The following NEMP2 variants were observed in gnomAD, a reference collection of about 807,000 sequenced individuals.
The protein encoded by NEMP2 is UPF0571 transmembrane protein.
NEMP2 carries 53 observed loss-of-function variants against 54.2 expected under a neutral mutation model. The ratio of observed to expected loss-of-function variants is 0.98; its 90% confidence interval spans 0.78 to 1.23. The LOEUF (loss-of-function observed/expected upper bound fraction) is 1.23, where lower values mean the gene tolerates loss of function less well. Ranked by LOEUF, NEMP2 falls within the 50% of genes most tolerant of loss-of-function variation. NEMP2 has a pLI of 0.00. For synonymous variants in NEMP2, 197 were observed against 190.3 expected (o/e 1.04, Z -0.29); for missense variants, 455 against 511.3 (o/e 0.89, Z 1.06).
At chr2:190,516,567 G>A (rs1690565365) in intron 5 of NEMP2, among the ~76,000 whole-genome samples, 183 bp from the exon 6 acceptor site, 1 of 152,192 alleles carries the variant, frequency 6.6e-6, no homozygotes, top group Non-Finnish European at 1.5e-5. Context: ...ATCACATGGA[G>A]CTTGCTGGGA....
chr2:190,508,112 A>G lies in NEMP2; in HGVS notation c.*1077T>C, dbSNP rs1690238502. ...AAATTGTTACAAACACCTATAGCTA[A>G]ACAATTTTTTAAATGGATCAGTCAA... On this transcript the variant is annotated 3_prime_UTR_variant, in exon 9 of 9. Transcript: ENST00000409150. This position sits in a 1 kb window ranked among gnomAD's most constrained non-coding sequence, Gnocchi z 4.3. 1 of 152,240 alleles carries G rather than the reference A, an allele frequency of 6.6e-6. No homozygotes were observed. Among genetic ancestry groups the G allele is most frequent in the African/African-American group, 2.4e-5 (1 of 41,458 alleles). The allele number at this position is 152,240 out of a possible 1,614,324, so 9.4% of individuals were successfully genotyped here. A position where few individuals can be genotyped will look rare whatever the true frequency, so the allele number is the denominator to read the frequency against.
At chr2:190,615,375 C>G in the NEMP2 span, among the ~76,000 whole-genome samples, 1 of 152,146 alleles carries the variant, frequency 6.6e-6, no homozygotes, top group Non-Finnish European at 1.5e-5. This position sits in a 1 kb window ranked among gnomAD's most constrained non-coding sequence, Gnocchi z 4.7. Context: ...CTTGCATTTA[C>G]TGGTCTATTA....
chr2:190,544,930 CAAAAAAAA>C, the NEMP2 span, among the ~76,000 whole-genome samples: 3 of 90,794 alleles, frequency 3.3e-5, no homozygotes, highest in Admixed American at 1.3e-4. Flanking sequence ...TCTACCCCCG[CAAAAAAAA>C]AAAAAAAAAA....
the NEMP2 span, among the ~76,000 whole-genome samples, chr2:190,581,414 C>G: frequency 2.0e-5 from 3 of 152,108 alleles, no homozygotes; most frequent in Non-Finnish European, 4.4e-5. Flanking sequence ...AAGTAACGAA[C>G]TACCATATTA....
the NEMP2 span, among the ~76,000 whole-genome samples, chr2:190,468,284 T>A: frequency 6.6e-6 from 1 of 152,144 alleles, no homozygotes; most frequent in Non-Finnish European, 1.5e-5. Flanking sequence ...ATCTGCTAAA[T>A]CCCTCTAATA....
In NEMP2 at chr2:190,521,907, G is replaced by C. The variant is rs920072129; in HGVS notation, c.214-2724C>G. 6.6e-6 allele frequency among the ~76,000 whole-genome samples: 1 copy of C among 151,922 alleles called. No individual in the cohort carries two copies. The highest frequency in any genetic ancestry group is 1.5e-5 in the Non-Finnish European group (1 of 68,002). ...GAACTCTTAATATAAGACTGACCCAGGCTTAGCCATTGGTCCTCTTCTCTT... is the reference window on the plus strand; with the variant it reads ...GAACTCTTAATATAAGACTGACCCACGCTTAGCCATTGGTCCTCTTCTCTT... On this transcript the variant is annotated intron_variant, in intron 2 of 8. Transcript: ENST00000409150. This position sits in a 1 kb window ranked among gnomAD's most constrained non-coding sequence, Gnocchi z 6.2.
the NEMP2 span, among the ~76,000 whole-genome samples, chr2:190,490,242 CTA>C: frequency 6.6e-6 from 1 of 150,520 alleles, no homozygotes; most frequent in Non-Finnish European, 1.5e-5. This position sits in a 1 kb window ranked among gnomAD's most constrained non-coding sequence, Gnocchi z 4.5. Context: ...GTAATCTTCT[CTA>C]TGACTTACCT....
At chr2:190,439,005 C>G in the NEMP2 span, among the ~76,000 whole-genome samples, 1 of 152,032 alleles carries the variant, frequency 6.6e-6, no homozygotes, top group Admixed American at 6.6e-5. The surrounding 1 kb of genome is among the most constrained non-coding windows in gnomAD (Gnocchi z 5.8). Flanking sequence ...TGGATATTTC[C>G]TGGACCCACA....
At chr2:190,562,694 G>T in the NEMP2 span, among the ~76,000 whole-genome samples, 1 of 150,994 alleles carries the variant, frequency 6.6e-6, no homozygotes, top group South Asian at 2.1e-4. The surrounding 1 kb of genome is among the most constrained non-coding windows in gnomAD (Gnocchi z 5.0). Context: ...ATAAATCTAT[G>T]CTACAATTTC....
the NEMP2 span, among the ~76,000 whole-genome samples, chr2:190,428,062 T>A: frequency 5.9e-5 from 9 of 152,164 alleles, no homozygotes; most frequent in South Asian, 4.1e-4. Context: ...CATAACTTAG[T>A]TTTGCCTGTT....
intron 7 of NEMP2, among the ~76,000 whole-genome samples, chr2:190,511,819 G>T (rs1300740947): frequency 1.3e-5 from 2 of 151,454 alleles, no homozygotes; most frequent in African/African-American, 4.8e-5. Flanking sequence ...CTCCCAAACT[G>T]CTGGGATTAC....
At position 190,514,101 on chromosome 2, in the gene NEMP2, C is replaced by G. The variant is rs1690465219; in HGVS notation, c.953+352G>C. Among the ~76,000 whole-genome samples the G allele has an allele frequency of 6.6e-6, 1 of 152,208 alleles. No homozygotes were observed. The highest frequency in any genetic ancestry group is 1.5e-5 in the Non-Finnish European group (1 of 68,030). ...CCTAATTCGTATCTCATAAGCACAG[C>G]TGATACCACTAAAGCAGTCTTTGAC... On this transcript the variant is annotated intron_variant, in intron 7 of 8. Coordinates refer to ENST00000409150, the MANE Select transcript of NEMP2 (RefSeq NM_001142645.2). The surrounding 1 kb of genome is among the most constrained non-coding windows in gnomAD (Gnocchi z 5.7).
At chr2:190,534,725 C>T (rs1691307635), upstream of NEMP2, 23 of 1,142,668 alleles carry the variant, frequency 2.0e-5, no homozygotes, top group South Asian at 7.6e-5. Context: ...GCGGAAGTGG[C>T]GCGGGGGCTC....
At chr2:190,623,815 G>A in the NEMP2 span, among the ~76,000 whole-genome samples, 1 of 151,816 alleles carries the variant, frequency 6.6e-6, no homozygotes, top group East Asian at 1.9e-4. Context: ...AGACAAATGG[G>A]GTTATATCAA....
At chr2:190,582,337 T>G in the NEMP2 span, among the ~76,000 whole-genome samples, 5 of 152,196 alleles carry the variant, frequency 3.3e-5, no homozygotes, top group Admixed American at 6.5e-5. The surrounding 1 kb of genome is among the most constrained non-coding windows in gnomAD (Gnocchi z 4.6). Context: ...TGTATCCCTC[T>G]GGCCAGAACT....
Position 190,520,462 on chromosome 2 carries a change from A to T in NEMP2, c.214-1279T>A, listed in dbSNP as rs1347606052. Among the ~76,000 whole-genome samples, 3 of 152,194 alleles carry T rather than the reference A, an allele frequency of 2.0e-5. No individual in the cohort carries two copies. The highest frequency in any genetic ancestry group is 4.4e-5 in the Non-Finnish European group (3 of 68,034). ...TTTTTCTAAGAGTAGGGCAACCCTG[A>T]AAAGGGGAGTAAGAGCACCAGCTTT... On this transcript the variant is annotated intron_variant, in intron 2 of 8. Coordinates refer to ENST00000409150, the MANE Select transcript of NEMP2 (RefSeq NM_001142645.2). This position sits in a 1 kb window ranked among gnomAD's most constrained non-coding sequence, Gnocchi z 5.4.
chr2:190,534,893 G>T (rs1259656702), upstream of NEMP2: 5 of 363,070 alleles, frequency 1.4e-5, no homozygotes, highest in East Asian at 1.2e-4. Flanking sequence ...GCGCGACCCC[G>T]CTGGCATGCT....
the NEMP2 span, among the ~76,000 whole-genome samples, chr2:190,598,767 T>C: frequency 6.6e-6 from 1 of 152,260 alleles, no homozygotes; most frequent in African/African-American, 2.4e-5. Flanking sequence ...TAAAATATTT[T>C]ACTACCAGTG....
At chr2:190,485,819 C>G in the NEMP2 span, among the ~76,000 whole-genome samples, 1 of 150,798 alleles carries the variant, frequency 6.6e-6, no homozygotes, top group Non-Finnish European at 1.5e-5. The surrounding 1 kb of genome is among the most constrained non-coding windows in gnomAD (Gnocchi z 5.1). Flanking sequence ...AAAAAAAAAC[C>G]TAGTTAAAAT....
Sources: gnomAD v4.1 joint callset for allele counts (sites outside exome capture counted in the v4.1 genomes callset) on GRCh38, gnomAD v4.1.1 for gene constraint, Gnocchi (gnomAD v3.1) non-coding constraint, MANE v1.5 for transcripts, NCBI Gene and HGNC (gene_info 2026-07-23, HGNC 2026-07-21) for gene names.